UGGT2: variants seen among roughly 807,000 people sequenced by gnomAD.
UGGT2 encodes UDP-glucose:glycoprotein glucosyltransferase 2.
Under a neutral mutation model 192.1 loss-of-function variants are expected in UGGT2, and 180 were observed. The observed-to-expected ratio is 0.94, with a 90% CI of 0.83 to 1.06. UGGT2 has a LOEUF of 1.06. Ranked by LOEUF, UGGT2 falls within the 50% of genes least tolerant of loss-of-function variation. The probability of loss-of-function intolerance (pLI) is 0.00; values close to 1 mark genes in which losing one functional copy is unlikely to be tolerated. For synonymous variants in UGGT2, 580 were observed against 591.0 expected (o/e 0.98, Z 0.27); for missense variants, 1,849 against 1,795.7 (o/e 1.03, Z -0.54).
chr13:95,828,610 T>G (rs925282405), intron 38 of UGGT2, among the ~76,000 whole-genome samples: 5 of 152,028 alleles, frequency 3.3e-5, no homozygotes, highest in African/African-American at 1.2e-4. Context: ...CTCCCAAGAC[T>G]AAACCAGGAA....
At chr13:95,976,387 G>A (rs1015781770) in intron 10 of UGGT2, among the ~76,000 whole-genome samples, 1 of 152,156 alleles carries the variant, frequency 6.6e-6, no homozygotes, top group Non-Finnish European at 1.5e-5. Flanking sequence ...ACATGGCAGT[G>A]CAGATATCTC....
chr13:95,922,822 C>G (rs1216228842), intron 20 of UGGT2, among the ~76,000 whole-genome samples: 1 of 151,536 alleles, frequency 6.6e-6, no homozygotes, highest in Non-Finnish European at 1.5e-5. Flanking sequence ...GACCCCGTCT[C>G]AAAAAACAAA....
At chr13:95,849,813 A>G (rs1376556388) in intron 36 of UGGT2, among the ~76,000 whole-genome samples, 1 of 150,236 alleles carries the variant, frequency 6.7e-6, no homozygotes, top group Non-Finnish European at 1.5e-5. Context: ...ATAGGTAGTA[A>G]AAATGACTAA....
chr13:95,877,537 A>T, intron 28 of UGGT2, 161 bp downstream of exon 28: 1 of 1,043,812 alleles, frequency 9.6e-7, no homozygotes, highest in South Asian at 2.0e-5. Flanking sequence ...TTATTAAAGT[A>T]TGATTTTCCC....
At chr13:95,903,446 C>A (rs1325554615) in intron 20 of UGGT2, among the ~76,000 whole-genome samples, 1 of 152,186 alleles carries the variant, frequency 6.6e-6, no homozygotes, top group Non-Finnish European at 1.5e-5. Context: ...TCAATTACCA[C>A]ACCCTCCCAC....
At chr13:95,934,697 A>G (rs1218319393) in intron 17 of UGGT2, among the ~76,000 whole-genome samples, 1 of 152,024 alleles carries the variant, frequency 6.6e-6, no homozygotes, top group Non-Finnish European at 1.5e-5. Context: ...TTTTTTGTGG[A>G]GAGGTTTCAC....
At chr13:95,991,639 ATTTC>A (rs1419585139) in intron 7 of UGGT2, among the ~76,000 whole-genome samples, 3 of 152,174 alleles carry the variant, frequency 2.0e-5, no homozygotes, top group Non-Finnish European at 2.9e-5. Context: ...GTACAATGGC[ATTTC>A]TTTCTAAAAG....
chr13:95,818,420 G>A (rs948261599), intron 38 of UGGT2, among the ~76,000 whole-genome samples: 7 of 152,098 alleles, frequency 4.6e-5, no homozygotes, highest in Admixed American at 4.6e-4. Context: ...ATAACAACAA[G>A]AAGAAAACAA....
rs150453438 is a variant in UGGT2 at position 96,050,918 on chromosome 13, T to G, written c.158+2237A>C. Among the ~76,000 whole-genome samples the G allele has an allele frequency of 5.3e-3, 809 of 152,280 alleles. 11 individuals carry two copies. The highest frequency in any genetic ancestry group is 0.019 in the African/African-American group (773 of 41,554). ...ACTAGTTCAACCATTGTGGAAGACATTGTGGCGATTCCTCAAGGATGTAGG... is the reference window on the plus strand; with the variant it reads ...ACTAGTTCAACCATTGTGGAAGACAGTGTGGCGATTCCTCAAGGATGTAGG... On this transcript the variant is annotated intron_variant, in intron 1 of 38. Transcript: ENST00000376747.
intron 27 of UGGT2, among the ~76,000 whole-genome samples, chr13:95,878,616 A>G (rs1464445349): frequency 6.6e-6 from 1 of 152,216 alleles, no homozygotes; most frequent in Non-Finnish European, 1.5e-5. Context: ...CAGCATAACT[A>G]AACATGAAAA....
At chr13:96,040,139 C>T (rs910276115) in intron 1 of UGGT2, among the ~76,000 whole-genome samples, 1 of 152,194 alleles carries the variant, frequency 6.6e-6, no homozygotes, top group Non-Finnish European at 1.5e-5. Context: ...CAGCACCCAA[C>T]TTTTTGGTCC....
chr13:96,024,052 A>T (rs1478787399), intron 2 of UGGT2, among the ~76,000 whole-genome samples: 1 of 152,262 alleles, frequency 6.6e-6, no homozygotes, highest in African/African-American at 2.4e-5. Context: ...TTGTGGGGTT[A>T]TATTACAAGG....
At chr13:95,822,533 T>C (rs1276664268) in intron 38 of UGGT2, among the ~76,000 whole-genome samples, 1 of 152,070 alleles carries the variant, frequency 6.6e-6, no homozygotes, top group Non-Finnish European at 1.5e-5. Flanking sequence ...ATGTCCTTTA[T>C]TTCTTTTGCT....
intron 20 of UGGT2, among the ~76,000 whole-genome samples, chr13:95,921,319 C>T (rs577539647): frequency 2.0e-4 from 29 of 147,066 alleles, no homozygotes; most frequent in Non-Finnish European, 2.7e-4. Flanking sequence ...TGTAACAAAC[C>T]TGCATATCCT....
At chr13:95,949,264 A>G in intron 13 of UGGT2, 71 bp downstream of exon 13, 1 of 1,313,504 alleles carries the variant, frequency 7.6e-7, no homozygotes. Context: ...ATTCATTGAC[A>G]GAAGGATAAT....
chr13:96,053,016 T>G, intron 1 of UGGT2, 139 bp downstream of exon 1: 34 of 1,139,066 alleles, frequency 3.0e-5, no homozygotes, highest in South Asian at 1.8e-4. Flanking sequence ...AGGAAGGAGG[T>G]GGTGATGCTC....
At chr13:95,827,184 T>C (rs1156270859) in intron 38 of UGGT2, among the ~76,000 whole-genome samples, 2 of 152,158 alleles carry the variant, frequency 1.3e-5, no homozygotes, top group African/African-American at 4.8e-5. Flanking sequence ...CCTTTAAATA[T>C]ATGACAAGAT....
rs537264525 is a variant in UGGT2 at position 95,888,079 on chromosome 13, C to G, written c.2959-108G>C. On this transcript the variant is annotated intron_variant, in intron 25 of 38. Coordinates refer to ENST00000376747, the MANE Select transcript of UGGT2 (RefSeq NM_020121.4). ...TATATTAAAACTTTATGTTCATTAT[C>G]TCACTTGATCCTTACAACGCCCTGC... 110 of 694,736 alleles carry G rather than the reference C, an allele frequency of 1.6e-4. 1 individual carries two copies. The South Asian group carries it at 3.0e-3, about 19-fold the overall frequency. 43.0% of individuals were successfully genotyped at this position (694,736 alleles called of 1,614,324 possible).
chr13:95,951,980 C>T (rs2050077313), intron 12 of UGGT2, among the ~76,000 whole-genome samples: 1 of 151,728 alleles, frequency 6.6e-6, no homozygotes, highest in Non-Finnish European at 1.5e-5. Flanking sequence ...ATCGCTTGAA[C>T]CCAGGAGGCA....
Sources: allele counts gnomAD v4.1 joint callset (sites outside exome capture counted in the v4.1 genomes callset), GRCh38; gene constraint gnomAD v4.1.1; transcripts MANE v1.5; gene names NCBI Gene and HGNC (gene_info 2026-07-23, HGNC 2026-07-21).